NCAM1: variants seen among roughly 807,000 people sequenced by gnomAD.
The protein encoded by NCAM1 is antigen recognized by monoclonal antibody 5.1H11.
A neutral mutation model predicts 109.8 loss-of-function variants in NCAM1; 14 were observed. The observed-to-expected ratio is 0.13, with a 90% CI of 0.08 to 0.20. The LOEUF (loss-of-function observed/expected upper bound fraction) is 0.20, where lower values mean the gene tolerates loss of function less well. Ranked by LOEUF, NCAM1 falls within the 10% of genes least tolerant of loss-of-function variation. The pLI, the probability that NCAM1 is intolerant of heterozygous loss-of-function variation, is 1.00. For missense variants in NCAM1, 774 were observed against 1,109.9 expected (o/e 0.70, Z 4.30); for synonymous variants, 418 against 442.9 (o/e 0.94, Z 0.70).
intron 7 of NCAM1, among the ~76,000 whole-genome samples, chr11:113,214,088 G>A (rs1363162931): frequency 6.6e-5 from 10 of 152,178 alleles, no homozygotes; most frequent in African/African-American, 2.4e-4. Flanking sequence ...CCTCTCGAAG[G>A]CTCCATCCAG....
intron 1 of NCAM1, among the ~76,000 whole-genome samples, chr11:113,142,019 A>G (rs1298692710): frequency 1.3e-5 from 2 of 152,174 alleles, no homozygotes; most frequent in East Asian, 3.9e-4. Flanking sequence ...TGTTTTGACA[A>G]ACGGCCCCTA....
intron 1 of NCAM1, among the ~76,000 whole-genome samples, chr11:113,109,354 AAG>A (rs781793362): frequency 0.057 from 8,452 of 147,548 alleles, 446 homozygotes; most frequent in Admixed American, 0.14. Flanking sequence ...TCTCAAAAAA[AAG>A]AAAAAAAAAC....
intron 1 of NCAM1, among the ~76,000 whole-genome samples, chr11:112,978,240 C>CT (rs1951058624): frequency 8.7e-6 from 1 of 114,700 alleles, no homozygotes; most frequent in Non-Finnish European, 1.8e-5. Flanking sequence ...ACCAAAAAAT[C>CT]TAAATTGGTG....
chr11:113,151,154 A>G (rs1273471484), intron 1 of NCAM1, among the ~76,000 whole-genome samples: 1 of 152,184 alleles, frequency 6.6e-6, no homozygotes, highest in Non-Finnish European at 1.5e-5. Context: ...AGAATAATGA[A>G]TCTGTCAGTC....
chr11:113,233,104 C>T lies in NCAM1; in HGVS notation c.1523-43C>T. The T allele has an allele frequency of 6.3e-7, 1 of 1,582,556 alleles. No homozygotes were observed. The highest frequency in any genetic ancestry group is 1.2e-5 in the South Asian group (1 of 85,894). ...TGACTGAGAGTTAATGGTCTTGGGC[C>T]AAACTGGGCTCACCTGAGTCTCCAT... On this transcript the variant is annotated intron_variant, in intron 12 of 19. Coordinates refer to ENST00000316851, the MANE Select transcript of NCAM1 (RefSeq NM_181351.5). This position sits in a 1 kb window ranked among gnomAD's most constrained non-coding sequence, Gnocchi z 4.5.
chr11:113,060,813 T>C (rs550778552), intron 1 of NCAM1, among the ~76,000 whole-genome samples: 1 of 152,332 alleles, frequency 6.6e-6, no homozygotes, highest in African/African-American at 2.4e-5. Flanking sequence ...CAGTTTTAGT[T>C]CTTGTCACTA....
rs1555114083 is a variant in NCAM1 at position 113,214,422 on chromosome 11, C to A, written c.970C>A (p.Gln324Lys). Residue 324 changes from glutamine to lysine, a missense_variant, in exon 8 of 20, where the codon CAG becomes AAG. Gln to Lys is a moderately conservative substitution (Grantham distance 53). Around this residue, in one of 4 missense-constraint regions of NCAM1, gnomAD observed 523 missense variants for 784.2 expected, o/e 0.67. Coordinates refer to ENST00000316851, the MANE Select transcript of NCAM1 (RefSeq NM_181351.5). ...CCAGACTGCCATGGAATTAGAGGAG[C>A]AGGTCACTCTTACCTGTGAAGCCTC... The part of the protein sequence containing the change: ...ENQTAMELEE[Q>K]VTLTCEASGD... The A allele has an allele frequency of 1.2e-6, 2 of 1,613,822 alleles. No homozygotes were observed. Among genetic ancestry groups the A allele is most frequent in the Non-Finnish European group, 8.5e-7 (1 of 1,179,762 alleles).
At chr11:113,188,782 C>T (rs545340854) in intron 1 of NCAM1, among the ~76,000 whole-genome samples, 1 of 152,158 alleles carries the variant, frequency 6.6e-6, no homozygotes, top group South Asian at 2.1e-4. Flanking sequence ...AGGGGGAATT[C>T]ACTGTCCAGG....
At chr11:113,174,296 C>T (rs1290229855) in intron 1 of NCAM1, among the ~76,000 whole-genome samples, 1 of 152,202 alleles carries the variant, frequency 6.6e-6, no homozygotes, top group Non-Finnish European at 1.5e-5. Context: ...CCCTTATTGA[C>T]ATTTCTCTTT....
intron 1 of NCAM1, among the ~76,000 whole-genome samples, chr11:113,062,357 T>C (rs2135494345): frequency 6.6e-6 from 1 of 152,256 alleles, no homozygotes. Flanking sequence ...TCTGTGACCT[T>C]TTGTTGTCTG....
Position 113,207,343 on chromosome 11 carries a change from C to G in NCAM1, c.711C>G (p.Ala237=). 6.2e-7 allele frequency: 1 copy of G among 1,613,982 alleles called. No individual in the cohort carries two copies. The highest frequency in any genetic ancestry group is 8.5e-7 in the Non-Finnish European group (1 of 1,179,888). ...AGTCCGTCACCCTGGTGTGCGATGC[C>G]GAAGGCTTCCCAGAGCCCACCATGA... ...LGQSVTLVCD[A]EGFPEPTMSW... is the part of the protein sequence containing the mutation. Residue 237 remains alanine, a synonymous_variant, in exon 6 of 20, where the codon GCC becomes GCG. Transcript: ENST00000316851.
intron 8 of NCAM1, among the ~76,000 whole-genome samples, chr11:113,220,063 A>T (rs1555114980): frequency 6.6e-6 from 1 of 152,136 alleles, no homozygotes; most frequent in Non-Finnish European, 1.5e-5. Context: ...TCCTTTTTCC[A>T]TCTGAACATC....
chr11:113,272,306 C>T (rs1412661917), intron 19 of NCAM1, among the ~76,000 whole-genome samples: 5 of 152,064 alleles, frequency 3.3e-5, no homozygotes, highest in African/African-American at 1.2e-4. Context: ...TGTTCAGAAA[C>T]CTCGGGGACC....
At chr11:113,079,467 C>G (rs528922773) in intron 1 of NCAM1, among the ~76,000 whole-genome samples, 1 of 152,076 alleles carries the variant, frequency 6.6e-6, no homozygotes, top group Non-Finnish European at 1.5e-5. Context: ...TGGGTATGTC[C>G]CAATACTTAT....
At chr11:113,207,566 T>C (rs868974439) in intron 6 of NCAM1, among the ~76,000 whole-genome samples, 188 bp downstream of exon 6, 6 of 152,160 alleles carry the variant, frequency 3.9e-5, no homozygotes, top group Non-Finnish European at 7.3e-5. Flanking sequence ...ATTTCAGCCT[T>C]GTGGGGGCAG....
At chr11:113,131,942 A>T (rs1431663210) in intron 1 of NCAM1, among the ~76,000 whole-genome samples, 1 of 152,200 alleles carries the variant, frequency 6.6e-6, no homozygotes, top group Non-Finnish European at 1.5e-5. Context: ...TCTCTGCCAT[A>T]ACCAGGAACT....
At chr11:113,207,508 G>A (rs1944273068) in intron 6 of NCAM1, 130 bp downstream of exon 6, 1 of 736,316 alleles carries the variant, frequency 1.4e-6, no homozygotes, top group African/African-American at 1.8e-5. Flanking sequence ...GAGAAGAATG[G>A]ACTCTTTTCT....
At chr11:113,129,185 C>G (rs1199402409) in intron 1 of NCAM1, among the ~76,000 whole-genome samples, 1 of 152,016 alleles carries the variant, frequency 6.6e-6, no homozygotes, top group East Asian at 1.9e-4. Context: ...AGGGCCAAGT[C>G]TCCTTTGAAT....
chr11:113,123,444 G>C lies in NCAM1; in HGVS notation c.53-78935G>C, dbSNP rs1275136990. Among the ~76,000 whole-genome samples the C allele has an allele frequency of 4.5e-4, 69 of 152,138 alleles. 1 individual carries two copies. The highest frequency in any genetic ancestry group is 4.5e-3 in the Admixed American group (68 of 15,266). On this transcript the variant is annotated intron_variant, in intron 1 of 19. Coordinates refer to ENST00000316851, the MANE Select transcript of NCAM1 (RefSeq NM_181351.5). Reference sequence around the variant, plus strand: ...TCCCTTGCCTTGGAAAAGGGTAAAGGAATTTGATTTAGTTCTGGGACACTC... The same window carrying C: ...TCCCTTGCCTTGGAAAAGGGTAAAGCAATTTGATTTAGTTCTGGGACACTC...
Sources: gnomAD v4.1 joint callset for allele counts (sites outside exome capture counted in the v4.1 genomes callset) on GRCh38, gnomAD v4.1.1 for gene constraint, gnomAD v4.1.1 regional missense constraint, Gnocchi (gnomAD v3.1) non-coding constraint, MANE v1.5 for transcripts, NCBI Gene and HGNC (gene_info 2026-07-23, HGNC 2026-07-21) for gene names.